The following ATP13A3 variants were observed in gnomAD, a reference collection of about 807,000 sequenced individuals.
The protein encoded by ATP13A3 is polyamine-transporting ATPase 13A3.
A neutral mutation model predicts 158.1 loss-of-function variants in ATP13A3; 59 were observed. The observed-to-expected ratio is 0.37, with a 90% confidence interval of 0.30 to 0.46. The LOEUF is 0.46. Among genes scored for constraint, ATP13A3 ranks in the 20% least tolerant of loss-of-function variants. The probability of loss-of-function intolerance (pLI) is 1.00; values close to 1 mark genes in which losing one functional copy is unlikely to be tolerated. For synonymous variants in ATP13A3, 491 were observed against 504.3 expected (o/e 0.97, Z 0.35); for missense variants, 1,166 against 1,525.2 (o/e 0.76, Z 3.92).
intron 31 of ATP13A3, among the ~76,000 whole-genome samples, chr3:194,415,743 C>T (rs1040361090): frequency 7.1e-6 from 1 of 140,524 alleles, no homozygotes; most frequent in African/African-American, 2.7e-5. Flanking sequence ...GATCTTGGCT[C>T]ACTGCAAGCT....
upstream of ATP13A3, chr3:194,487,412 A>G (rs979636375): frequency 2.0e-5 from 3 of 152,286 alleles, no homozygotes; most frequent in African/African-American, 7.2e-5. Context: ...GTGGAGAGGA[A>G]ACCAGAGCCC....
rs1368768700 is a variant in ATP13A3 at position 194,459,851 on chromosome 3, CAATT to C, written c.342_345del (p.Ile115ArgfsTer30). The C allele has an allele frequency of 1.2e-6, 2 of 1,613,448 alleles. No individual in the cohort carries two copies. Among genetic ancestry groups the C allele is most frequent in the Non-Finnish European group, 1.7e-6 (2 of 1,179,674 alleles). On this transcript the variant is annotated frameshift_variant, in exon 5 of 34. Transcript: ENST00000645319. LOFTEE classifies it high-confidence loss of function. ...TGCCTATTTTCTTCAGTGGGATTCT[CAATT>C]AAACAAACTGCATGGCCATTTGAAA...
chr3:194,413,019 TA>T (rs1256922144), intron 32 of ATP13A3: 1 of 152,210 alleles, frequency 6.6e-6, no homozygotes, highest in African/African-American at 2.4e-5. Flanking sequence ...ACTCTTAACT[TA>T]AAAATCACAA....
chr3:194,420,323 A>C (rs1716202564), intron 30 of ATP13A3: 1 of 157,962 alleles, frequency 6.3e-6, no homozygotes, highest in South Asian at 1.9e-4. Flanking sequence ...TACATAATGC[A>C]CAAATAAGAG....
chr3:194,430,051 A>C, intron 26 of ATP13A3, 21 bp downstream of exon 26: 1 of 1,587,314 alleles, frequency 6.3e-7, no homozygotes, highest in Non-Finnish European at 8.6e-7. Context: ...AAGGGATGAG[A>C]AAAATTTTAA....
intron 8 of ATP13A3, among the ~76,000 whole-genome samples, chr3:194,454,628 A>G (rs62286678): frequency 1.3e-5 from 2 of 151,668 alleles, no homozygotes; most frequent in South Asian, 2.1e-4. Context: ...GGAGATCAAA[A>G]CATCCTGGCT....
At chr3:194,462,359 G>A in intron 2 of ATP13A3, 123 bp from the exon 3 acceptor site, 1 of 622,004 alleles carries the variant, frequency 1.6e-6, no homozygotes, top group South Asian at 2.0e-5. Context: ...GGACCTGTTA[G>A]GAACAGGGCC....
Position 194,415,661 on chromosome 3 carries a change from CTTTTTT to C in ATP13A3, c.3403-1828_3403-1823del, listed in dbSNP as rs751005733. On this transcript the variant is annotated intron_variant, in intron 31 of 33. Transcript: ENST00000645319. ...GTGCAAGGATTTACAATACCACATTCTTTTTTTTTTTTTTTTTTTTTTTTTTGAGAC... is the reference window on the plus strand; with the variant it reads ...GTGCAAGGATTTACAATACCACATTCTTTTTTTTTTTTTTTTTTTTGAGAC... 6.8e-4 allele frequency among the ~76,000 whole-genome samples: 62 copies of C among 90,920 alleles called. 1 individual carries two copies. In the South Asian group the frequency reaches 0.014, roughly 20 times the overall value. 59.6% of individuals were successfully genotyped at this position (90,920 alleles called of 152,430 possible).
intron 16 of ATP13A3, 128 bp downstream of exon 16, chr3:194,441,183 T>C (rs913121702): frequency 2.2e-5 from 16 of 720,824 alleles, no homozygotes; most frequent in African/African-American, 1.1e-4. Flanking sequence ...AGAAATTACA[T>C]AGCTCCTTTT....
intron 13 of ATP13A3, 63 bp from the exon 14 acceptor site, chr3:194,447,178 T>A: frequency 7.2e-7 from 1 of 1,384,698 alleles, no homozygotes; most frequent in Non-Finnish European, 1.0e-6. Flanking sequence ...AATATGGGTA[T>A]TTCTTTAGTG....
At position 194,433,409 on chromosome 3, in the gene ATP13A3, A is replaced by G. The variant is rs555983906; in HGVS notation, c.2245+363T>C. Among the ~76,000 whole-genome samples the G allele has an allele frequency of 1.5e-3, 230 of 151,818 alleles. 1 individual carries two copies. Among genetic ancestry groups the G allele is most frequent in the African/African-American group, 5.2e-3 (214 of 41,380 alleles). On this transcript the variant is annotated intron_variant, in intron 21 of 33. Coordinates refer to ENST00000645319, the MANE Select transcript of ATP13A3 (RefSeq NM_001367549.1). ...CAGGCACCCGCCACCGCTCCCGGCTAATTTTTTGTATTTTTAGTAGAGACG... is the reference window on the plus strand; with the variant it reads ...CAGGCACCCGCCACCGCTCCCGGCTGATTTTTTGTATTTTTAGTAGAGACG...
At chr3:194,483,840 A>T (rs946211601) in intron 2 of ATP13A3, among the ~76,000 whole-genome samples, 2 of 152,240 alleles carry the variant, frequency 1.3e-5, no homozygotes, top group South Asian at 2.1e-4. Context: ...AAGCAGTATT[A>T]AAAAATGTTT....
chr3:194,468,371 T>C (rs1720119467), intron 2 of ATP13A3: 2 of 141,808 alleles, frequency 1.4e-5, no homozygotes, highest in African/African-American at 2.9e-5. Flanking sequence ...ATAAACTTGA[T>C]TTGCTGTGTG....
intron 2 of ATP13A3, among the ~76,000 whole-genome samples, chr3:194,471,457 A>G (rs923761329): frequency 2.0e-5 from 3 of 152,012 alleles, no homozygotes; most frequent in African/African-American, 7.2e-5. Context: ...GGGTTCAAGC[A>G]ATTCTCTTGC....
rs1444703698 is a variant in ATP13A3 at position 194,448,957 on chromosome 3, G to T, written c.971-321C>A. Among the ~76,000 whole-genome samples the T allele has an allele frequency of 6.6e-6, 1 of 151,746 alleles. No homozygotes were observed. The highest frequency in any genetic ancestry group is 2.4e-5 in the African/African-American group (1 of 41,294). ...TAATTTCAAAAAAGATTAAGTAGTT[G>T]CTATAGTCCCTGCACCTCTAAGAAC... On this transcript the variant is annotated intron_variant, in intron 11 of 33. Coordinates refer to ENST00000645319, the MANE Select transcript of ATP13A3 (RefSeq NM_001367549.1). This position sits in a 1 kb window ranked among gnomAD's most constrained non-coding sequence, Gnocchi z 4.0.
intron 2 of ATP13A3, among the ~76,000 whole-genome samples, chr3:194,476,708 C>T (rs999060437): frequency 2.0e-5 from 3 of 151,798 alleles, no homozygotes; most frequent in East Asian, 1.9e-4. Context: ...AGTAGCTTCC[C>T]GTTGTCTGTA....
intron 2 of ATP13A3, among the ~76,000 whole-genome samples, chr3:194,467,531 A>T (rs1720067267): frequency 6.6e-6 from 1 of 152,190 alleles, no homozygotes. Flanking sequence ...AAACAATTCA[A>T]ATAAAAAGTT....
intron 3 of ATP13A3, 80 bp downstream of exon 3, chr3:194,462,060 G>C (rs1719704348): frequency 1.4e-6 from 2 of 1,395,904 alleles, no homozygotes; most frequent in Non-Finnish European, 2.0e-6. Flanking sequence ...GTTGTTAATT[G>C]CATTTTTCTA....
At chr3:194,429,881 A>G in intron 26 of ATP13A3, 107 bp from the exon 27 acceptor site, 1 of 1,104,488 alleles carries the variant, frequency 9.1e-7, no homozygotes, top group Non-Finnish European at 1.3e-6. Context: ...AACGGCTACA[A>G]CAAAGTGCTT....
Sources: gnomAD v4.1 joint callset for allele counts (sites outside exome capture counted in the v4.1 genomes callset) on GRCh38, gnomAD v4.1.1 for gene constraint, Gnocchi (gnomAD v3.1) non-coding constraint, MANE v1.5 for transcripts, NCBI Gene and HGNC (gene_info 2026-07-23, HGNC 2026-07-21) for gene names.